The following TSHR variants were observed in gnomAD, a reference collection of about 807,000 sequenced individuals.
The protein encoded by TSHR is thyrotropin receptor.
TSHR carries 51 observed loss-of-function variants against 64.1 expected under a neutral mutation model. The observed-to-expected ratio is 0.80, with a 90% CI of 0.64 to 1.01. TSHR has a LOEUF of 1.01. Among genes scored for constraint, TSHR ranks in the 50% least tolerant of loss-of-function variants. The probability of loss-of-function intolerance (pLI) is 0.00; values close to 1 mark genes in which losing one functional copy is unlikely to be tolerated. For missense variants in TSHR, 877 were observed against 942.8 expected (o/e 0.93, Z 0.91); for synonymous variants, 361 against 361.9 (o/e 1.00, Z 0.03).
At chr14:81,072,738 T>G (rs1887169301) in intron 3 of TSHR, among the ~76,000 whole-genome samples, 1 of 150,216 alleles carries the variant, frequency 6.7e-6, no homozygotes. Flanking sequence ...TACAGAAAGG[T>G]TGAAAGTGAA....
At chr14:81,067,705 G>T (rs1226989070) in intron 2 of TSHR, among the ~76,000 whole-genome samples, 1 of 148,482 alleles carries the variant, frequency 6.7e-6, no homozygotes, top group Non-Finnish European at 1.5e-5. Flanking sequence ...TTGGACATCT[G>T]TGTATTTTAA....
intron 7 of TSHR, chr14:81,106,886 C>T: frequency 6.9e-6 from 1 of 144,466 alleles, no homozygotes; most frequent in Non-Finnish European, 1.5e-5. Context: ...TTGCAGTGAG[C>T]AGAGATCGTG....
At chr14:80,965,434 A>T (rs1227663539) in intron 1 of TSHR, among the ~76,000 whole-genome samples, 1 of 152,146 alleles carries the variant, frequency 6.6e-6, no homozygotes, top group Non-Finnish European at 1.5e-5. Flanking sequence ...CATGGCTCAC[A>T]CTTAGCCTGT....
intron 1 of TSHR, chr14:81,052,583 A>G (rs929842377): frequency 6.6e-6 from 1 of 152,200 alleles, no homozygotes; most frequent in African/African-American, 2.4e-5. Context: ...GTGAAAAATG[A>G]CATTGGAATT....
intron 1 of TSHR, among the ~76,000 whole-genome samples, chr14:80,964,096 G>A (rs1000827673): frequency 3.3e-5 from 5 of 152,198 alleles, no homozygotes; most frequent in African/African-American, 1.2e-4. Flanking sequence ...GCCAGGTGGG[G>A]TGGCTCACGC....
chr14:81,017,344 C>G (rs1339662447), intron 1 of TSHR, among the ~76,000 whole-genome samples: 2 of 152,158 alleles, frequency 1.3e-5, no homozygotes, highest in African/African-American at 4.8e-5. Context: ...GGTGGAAGAT[C>G]AGATTGGGCA....
rs149237353 is a variant in TSHR at position 81,143,283 on chromosome 14, G to T, written c.1225G>T (p.Glu409Ter). Residue 409 changes from glutamate to a stop codon, truncating the protein, a stop_gained, in exon 10 of 10, where the codon GAA (glutamate) becomes TAA (stop). Coordinates refer to ENST00000298171, the MANE Select transcript of TSHR (RefSeq NM_000369.5). LOFTEE classifies it high-confidence loss of function. The part of the protein sequence containing the change: ...TPKSDEFNPC[E>*]DIMGYKFLRI... ...CAAGTCCGATGAGTTCAACCCGTGT[G>T]AAGACATAATGGGCTACAAGTTCCT... 30 of 1,614,068 alleles carry T rather than the reference G, an allele frequency of 1.9e-5. No homozygotes were observed. The highest frequency in any genetic ancestry group is 2.7e-5 in the African/African-American group (2 of 74,924).
At position 81,077,529 on chromosome 14, in the gene TSHR, G is replaced by C. The variant is rs192397012; in HGVS notation, c.317+9201G>C. Among the ~76,000 whole-genome samples the C allele has an allele frequency of 3.0e-4, 46 of 152,240 alleles. No individual in the cohort carries two copies. The East Asian group carries it at 7.7e-3, about 26-fold the overall frequency. On this transcript the variant is annotated intron_variant, in intron 3 of 9. Coordinates refer to ENST00000298171, the MANE Select transcript of TSHR (RefSeq NM_000369.5). ...ATCCTCACGACAATTCTCTAAAGTAGTTACTATCATTTTACAGCCAAAGCA... is the reference window on the plus strand; with the variant it reads ...ATCCTCACGACAATTCTCTAAAGTACTTACTATCATTTTACAGCCAAAGCA...
intron 1 of TSHR, among the ~76,000 whole-genome samples, chr14:80,967,283 A>AATTTTT (rs1491461256): frequency 1.8e-5 from 2 of 111,870 alleles, no homozygotes; most frequent in African/African-American, 6.3e-5. Context: ...CCTGACTTAC[A>AATTTTT]TTTTTTTTTT....
At chr14:81,116,211 C>T (rs1173121878) in intron 8 of TSHR, among the ~76,000 whole-genome samples, 1 of 148,546 alleles carries the variant, frequency 6.7e-6, no homozygotes, top group Non-Finnish European at 1.5e-5. Context: ...GGACTAAATG[C>T]TCCAATTAAA....
rs550173395 is a variant in TSHR at position 81,105,011 on chromosome 14, G to A, written c.615-3364G>A. On this transcript the variant is annotated intron_variant, in intron 7 of 9. Transcript: ENST00000298171. ...TGACTTTCAAAAAGTATTTCCTTTC[G>A]TCTCTTACTACAAGCCTTTTGAGTC... 8.6e-5 allele frequency: 85 copies of A among 985,182 alleles called. No homozygotes were observed. The African/African-American group carries it at 9.1e-4, about 11-fold the overall frequency. 61.0% of individuals were successfully genotyped at this position (985,182 alleles called of 1,614,324 possible).
chr14:80,983,198 T>C (rs770889838), intron 1 of TSHR: 2 of 1,199,608 alleles, frequency 1.7e-6, no homozygotes, highest in South Asian at 1.9e-5. Context: ...AATGCAAAAT[T>C]GAATTACATG....
intron 1 of TSHR, among the ~76,000 whole-genome samples, chr14:81,041,659 C>T (rs1366243372): frequency 6.6e-6 from 1 of 152,052 alleles, no homozygotes; most frequent in East Asian, 1.9e-4. Flanking sequence ...ACTTGTACCC[C>T]TGAACTTAAA....
At chr14:81,113,664 A>C (rs775266071) in intron 8 of TSHR, among the ~76,000 whole-genome samples, 2 of 152,112 alleles carry the variant, frequency 1.3e-5, no homozygotes, top group Non-Finnish European at 2.9e-5. Context: ...AGAGTAGGAA[A>C]GGTGATCATG....
rs147149121 is a variant in TSHR, at chr14:81,096,923, G to GGTGTGTGTGTGTGTGTGTGTGT, written c.614+225_614+246dup. 1.5e-3 allele frequency among the ~76,000 whole-genome samples: 229 copies of GGTGTGTGTGTGTGTGTGTGTGT among 148,504 alleles called. 1 individual carries two copies. Among genetic ancestry groups the GGTGTGTGTGTGTGTGTGTGTGT allele is most frequent in the African/African-American group, 5.5e-3 (220 of 40,228 alleles). On this transcript the variant is annotated intron_variant, in intron 7 of 9. Transcript: ENST00000298171. ...GGTAAGTTCCAAAGCTTTTCTCCCTGGTGTGTGTGTGTGTGTGTGTGTGTG... is the reference window on the plus strand; with the variant it reads ...GGTAAGTTCCAAAGCTTTTCTCCCTGGTGTGTGTGTGTGTGTGTGTGTGTGTGTGTGTGTGTGTGTGTGTGTG...
intron 7 of TSHR, among the ~76,000 whole-genome samples, chr14:81,098,616 T>C (rs554839082): frequency 6.6e-6 from 1 of 152,212 alleles, no homozygotes; most frequent in Non-Finnish European, 1.5e-5. Context: ...TATAAAGATT[T>C]CAGATGACTA....
At chr14:81,123,427 A>ATAAGTGG (rs1437543617) in intron 8 of TSHR, among the ~76,000 whole-genome samples, 5 of 152,232 alleles carry the variant, frequency 3.3e-5, no homozygotes, top group Admixed American at 6.5e-5. Flanking sequence ...CCCAGAGGAA[A>ATAAGTGG]TAAGTGGTGT....
At chr14:81,109,205 C>T (rs866653985) in intron 8 of TSHR, among the ~76,000 whole-genome samples, 2 of 152,034 alleles carry the variant, frequency 1.3e-5, no homozygotes, top group Non-Finnish European at 1.5e-5. Flanking sequence ...GTCAGGCGAT[C>T]GAGACCATCC....
chr14:80,982,301 C>A, intron 1 of TSHR: 1 of 950,650 alleles, frequency 1.1e-6, no homozygotes, highest in Non-Finnish European at 1.6e-6. Flanking sequence ...AAAAATGGGG[C>A]TGGTATTGAT....
Sources: gnomAD v4.1 joint callset for allele counts (sites outside exome capture counted in the v4.1 genomes callset) on GRCh38, gnomAD v4.1.1 for gene constraint, MANE v1.5 for transcripts, NCBI Gene and HGNC (gene_info 2026-07-23, HGNC 2026-07-21) for gene names.